SPATA9: variants seen among roughly 807,000 people sequenced by gnomAD.
The protein encoded by SPATA9 is spermatogenesis-associated protein 9.
Under a neutral mutation model 25.5 loss-of-function variants are expected in SPATA9, and 27 were observed. The ratio of observed to expected loss-of-function variants is 1.06; its 90% CI spans 0.78 to 1.46. SPATA9 has a LOEUF of 1.46. SPATA9 is among the 40% of genes most tolerant of loss of function. The pLI, the probability that SPATA9 is intolerant of heterozygous loss-of-function variation, is 0.00. For missense variants in SPATA9, 282 were observed against 297.5 expected, an observed-to-expected ratio of 0.95 and a Z score of 0.38; for synonymous variants, 102 against 105.7, an observed-to-expected ratio of 0.97 and a Z score of 0.21.
chr5:95,676,934 T>C (rs1752994233), intron 2 of SPATA9, among the ~76,000 whole-genome samples: 1 of 152,228 alleles, frequency 6.6e-6, no homozygotes, highest in Non-Finnish European at 1.5e-5. Flanking sequence ...TCTTTTTCTC[T>C]TTCCTTCCCT....
intron 4 of SPATA9, among the ~76,000 whole-genome samples, chr5:95,661,189 T>C (rs995710941): frequency 1.3e-5 from 2 of 152,128 alleles, no homozygotes; most frequent in African/African-American, 4.8e-5. Context: ...CCTGAGTCTA[T>C]TTCCTTGGCA....
At chr5:95,731,349 A>G in the SPATA9 span, 1 of 1,120,236 alleles carries the variant, frequency 8.9e-7, no homozygotes. Flanking sequence ...AGGAGGCGAC[A>G]GCTGCCAGCC....
intron 3 of SPATA9, among the ~76,000 whole-genome samples, chr5:95,668,316 A>G (rs1352307727): frequency 6.6e-6 from 1 of 152,214 alleles, no homozygotes; most frequent in Non-Finnish European, 1.5e-5. Context: ...ATATTTAAAT[A>G]TTTTAATGCT....
chr5:95,661,000 T>C (rs1395908523), intron 4 of SPATA9, among the ~76,000 whole-genome samples: 1 of 152,186 alleles, frequency 6.6e-6, no homozygotes, highest in South Asian at 2.1e-4. Context: ...TTCCACGTTA[T>C]TACCTTCTGT....
At chr5:95,652,392 ACTTT>A, downstream of SPATA9, 1 of 1,535,268 alleles carries the variant, frequency 6.5e-7, no homozygotes, top group Non-Finnish European at 8.8e-7. Context: ...GAAATTCTCG[ACTTT>A]AGTCTCATAT....
chr5:95,676,503 GC>G (rs1752962355), intron 2 of SPATA9, among the ~76,000 whole-genome samples: 1 of 151,976 alleles, frequency 6.6e-6, no homozygotes, highest in African/African-American at 2.4e-5. Flanking sequence ...TCTTGCTACA[GC>G]CATGCCCATT....
chr5:95,731,598 G>C, the SPATA9 span: 4 of 1,588,912 alleles, frequency 2.5e-6, no homozygotes. Context: ...AGCGGATTGC[G>C]GGTGAACTCG....
Position 95,658,823 on chromosome 5 carries a change from A to G in SPATA9, c.565T>C (p.Cys189Arg), listed in dbSNP as rs933462557. 2 of 1,613,798 alleles carry G rather than the reference A, an allele frequency of 1.2e-6. No homozygotes were observed. The highest frequency in any genetic ancestry group is 2.7e-5 in the African/African-American group (2 of 74,880). Reference sequence around the variant, plus strand: ...ACAGGCTCAGAAAAGGCTTTTCTACAATTTTCACTCTCCTCTCTGTTTTGC... The same window carrying G: ...ACAGGCTCAGAAAAGGCTTTTCTACGATTTTCACTCTCCTCTCTGTTTTGC... ...IRQNREESEN[C>R]RKAFSEPVLS... Residue 189 changes from cysteine (C) to arginine (R), a missense_variant, in exon 5 of 5, where the codon TGT becomes CGT. Coordinates refer to ENST00000274432, the MANE Select transcript of SPATA9 (RefSeq NM_031952.4).
intron 2 of SPATA9, 31 bp downstream of exon 2, chr5:95,682,497 A>C: frequency 7.1e-7 from 1 of 1,410,864 alleles, no homozygotes; most frequent in Non-Finnish European, 9.9e-7. Flanking sequence ...TATTTTTTCT[A>C]TTCCTTTTAA....
chr5:95,680,089 G>A (rs1309003954), intron 2 of SPATA9, among the ~76,000 whole-genome samples: 1 of 152,100 alleles, frequency 6.6e-6, no homozygotes, highest in East Asian at 1.9e-4. Context: ...TAGTAGAGAC[G>A]GGGTTTCACC....
chr5:95,659,630 C>G (rs1038842250), intron 4 of SPATA9: 1 of 152,050 alleles, frequency 6.6e-6, no homozygotes, highest in Admixed American at 6.6e-5. Flanking sequence ...CGAAGAAATG[C>G]CTCAAGGTAA....
At chr5:95,723,146 C>G in the SPATA9 span, among the ~76,000 whole-genome samples, 1 of 151,762 alleles carries the variant, frequency 6.6e-6, no homozygotes, top group African/African-American at 2.4e-5. Context: ...TTGGGCCACA[C>G]ATAAACTACA....
downstream of SPATA9, chr5:95,654,456 C>A: frequency 1.2e-6 from 1 of 866,764 alleles, no homozygotes; most frequent in Non-Finnish European, 1.8e-6. Context: ...TATTTTAATG[C>A]TTTGAATATA....
rs140942834 is a variant in SPATA9, at chr5:95,690,004, A to G, written n.124+8584T>C. The stretch of plus-strand genomic sequence containing the variant: ...AAGCAACAAGAATACATAGACACAT[A>G]GAGGGGAACAACGAGACTGGGGCTT... On this transcript the variant is annotated intron_variant and non_coding_transcript_variant, in intron 1 of 2. Coordinates refer to the SPATA9 transcript ENST00000379990. Among the ~76,000 whole-genome samples the G allele has an allele frequency of 1.2e-4, 19 of 152,228 alleles. No homozygotes were observed. In the East Asian group the frequency reaches 2.9e-3, roughly 23 times the overall value.
Position 95,658,890 on chromosome 5 carries a change from C to A in SPATA9, c.498G>T (p.Leu166=), listed in dbSNP as rs763393028. The A allele has an allele frequency of 6.2e-7, 1 of 1,613,356 alleles. No individual in the cohort carries two copies. Among genetic ancestry groups the A allele is most frequent in the Non-Finnish European group, 8.5e-7 (1 of 1,179,696 alleles). The change falls in exon 5 of 5, where the codon CTG becomes CTT. Residue 166 remains leucine, a synonymous_variant. Coordinates refer to ENST00000274432, the MANE Select transcript of SPATA9 (RefSeq NM_031952.4). ...IYLAVCVNAV[L]KKVKNIFQEE... Reference sequence around the variant, plus strand: ...CCTGGAAGATGTTCTTTACCTTCTTCAGCACAGCATTAACACAGACTGCCT... The same window carrying A: ...CCTGGAAGATGTTCTTTACCTTCTTAAGCACAGCATTAACACAGACTGCCT...
intron 2 of SPATA9, 84 bp from the exon 3 acceptor site, chr5:95,675,723 T>C (rs1158252413): frequency 1.9e-6 from 2 of 1,039,056 alleles, no homozygotes; most frequent in Non-Finnish European, 2.9e-6. Context: ...CTGACTACTA[T>C]ATAACTACAT....
Position 95,697,198 on chromosome 5 carries a change from G to A in SPATA9, n.124+1390C>T, listed in dbSNP as rs575728618. Among the ~76,000 whole-genome samples, 210 of 152,256 alleles carry A rather than the reference G, an allele frequency of 1.4e-3. 1 individual carries two copies. The highest frequency in any genetic ancestry group is 5.0e-3 in the African/African-American group (207 of 41,542). ...AGGTTGCAGTCAAACTGTTGGCTGG[G>A]CTATGGTCTTCTTAGGACTCAACTG... On this transcript the variant is annotated intron_variant and non_coding_transcript_variant, in intron 1 of 2. Transcript: ENST00000379990.
At chr5:95,709,952 C>G in the SPATA9 span, among the ~76,000 whole-genome samples, 5 of 152,120 alleles carry the variant, frequency 3.3e-5, no homozygotes, top group African/African-American at 9.7e-5. Flanking sequence ...AGGTGAGTAG[C>G]CTGCGCTCCT....
At chr5:95,714,292 A>G in the SPATA9 span, among the ~76,000 whole-genome samples, 1 of 152,158 alleles carries the variant, frequency 6.6e-6, no homozygotes, top group African/African-American at 2.4e-5. Flanking sequence ...AGGAGCAATC[A>G]CTGAAGCCAT....
Sources: allele counts gnomAD v4.1 joint callset (sites outside exome capture counted in the v4.1 genomes callset), GRCh38; gene constraint gnomAD v4.1.1; transcripts MANE v1.5; gene names NCBI Gene and HGNC (gene_info 2026-07-23, HGNC 2026-07-21).